CNTNAP2: variants seen among roughly 807,000 people sequenced by gnomAD.
CNTNAP2 encodes contactin-associated protein-like 2.
CNTNAP2 carries 98 observed loss-of-function variants against 155.2 expected under a neutral mutation model. That is an observed-to-expected ratio of 0.63 (90% CI 0.54 to 0.75). The LOEUF is 0.75. CNTNAP2 is among the 30% of genes least tolerant of loss of function. The pLI, the probability that CNTNAP2 is intolerant of heterozygous loss-of-function variation, is 0.00. For missense variants in CNTNAP2, 1,727 were observed against 1,688.1 expected (o/e 1.02, Z -0.40); for synonymous variants, 651 against 631.2 (o/e 1.03, Z -0.47).
chr7:146,702,729 CTCAATTCTGAATGATT>C lies in CNTNAP2; in HGVS notation c.98-71541_98-71526del, dbSNP rs1230061467. 5.1e-4 allele frequency among the ~76,000 whole-genome samples: 78 copies of C among 152,262 alleles called. 2 individuals carry two copies. In the East Asian group the frequency reaches 8.5e-3, roughly 17 times the overall value. On this transcript the variant is annotated intron_variant, in intron 1 of 23. Transcript: ENST00000361727. ...CTGGAAACTCATTTAGGTGGAATGT[CTCAATTCTGAATGATT>C]ATTAATAGTGGCATAATTTCTGTAT...
At position 147,124,766 on chromosome 7, in the gene CNTNAP2, G is replaced by A. The variant is rs547361836; in HGVS notation, c.939+3603G>A. 2.4e-4 allele frequency among the ~76,000 whole-genome samples: 36 copies of A among 151,794 alleles called. No individual in the cohort carries two copies. The South Asian group carries it at 5.8e-3, about 25-fold the overall frequency. ...TGGGATTCAGCACAGCACTGCTAGC[G>A]TAAATTAAATATACTTACCACAATT... On this transcript the variant is annotated intron_variant, in intron 6 of 23. Transcript: ENST00000361727.
intron 21 of CNTNAP2, among the ~76,000 whole-genome samples, chr7:148,290,794 T>C (rs1030330106): frequency 2.0e-5 from 3 of 152,214 alleles, no homozygotes; most frequent in African/African-American, 7.2e-5. Flanking sequence ...TCCCTGGTGC[T>C]ATTCTGGCTC....
intron 1 of CNTNAP2, among the ~76,000 whole-genome samples, chr7:146,693,425 G>T (rs1236979199): frequency 1.3e-5 from 2 of 151,674 alleles, no homozygotes; most frequent in Non-Finnish European, 2.9e-5. Context: ...CTCTCTATAT[G>T]TGTTTTGAGG....
chr7:146,587,183 G>C (rs1156502622), intron 1 of CNTNAP2, among the ~76,000 whole-genome samples: 1 of 152,084 alleles, frequency 6.6e-6, no homozygotes, highest in Non-Finnish European at 1.5e-5. Context: ...TGATGATATT[G>C]CCAGGCCGTT....
intron 4 of CNTNAP2, among the ~76,000 whole-genome samples, chr7:147,086,377 T>G (rs1800278779): frequency 6.6e-6 from 1 of 151,998 alleles, no homozygotes; most frequent in African/African-American, 2.4e-5. Flanking sequence ...TTTTGATACA[T>G]CCACAGAAAA....
intron 13 of CNTNAP2, among the ~76,000 whole-genome samples, chr7:147,800,771 C>A (rs982810290): frequency 6.6e-6 from 1 of 152,102 alleles, no homozygotes; most frequent in Non-Finnish European, 1.5e-5. Context: ...AATGATGGAC[C>A]AATAAATGGT....
At chr7:148,083,171 G>C (rs1371638110) in intron 15 of CNTNAP2, among the ~76,000 whole-genome samples, 1 of 152,188 alleles carries the variant, frequency 6.6e-6, no homozygotes, top group Non-Finnish European at 1.5e-5. Flanking sequence ...TTGCTTTGTT[G>C]TGTTGCTTTG....
chr7:148,327,300 G>A (rs947303515), intron 21 of CNTNAP2, among the ~76,000 whole-genome samples: 3 of 152,138 alleles, frequency 2.0e-5, no homozygotes, highest in African/African-American at 7.2e-5. Flanking sequence ...ATGTACCTTT[G>A]CCTGTTGATT....
chr7:148,112,219 G>GAAA, intron 15 of CNTNAP2, among the ~76,000 whole-genome samples: 1 of 151,240 alleles, frequency 6.6e-6, no homozygotes, highest in Middle Eastern at 3.4e-3. Context: ...ATAAGCAAAT[G>GAAA]AAAAAAATAA....
intron 13 of CNTNAP2, among the ~76,000 whole-genome samples, chr7:147,784,982 C>A (rs373964060): frequency 6.8e-4 from 104 of 152,184 alleles, no homozygotes; most frequent in African/African-American, 2.3e-3. Flanking sequence ...AGAGAAAACA[C>A]TGGATACAGA....
intron 15 of CNTNAP2, among the ~76,000 whole-genome samples, chr7:148,045,809 C>T (rs1177250098): frequency 1.3e-5 from 2 of 152,124 alleles, no homozygotes; most frequent in African/African-American, 4.8e-5. Flanking sequence ...TCAAACAACC[C>T]AACAGATAAA....
At chr7:146,418,277 C>T (rs112214711) in intron 1 of CNTNAP2, among the ~76,000 whole-genome samples, 1,876 of 152,294 alleles carry the variant, frequency 0.012, 16 homozygotes, top group Middle Eastern at 0.034. Context: ...CTGTTTCACT[C>T]GGCCACAAAT....
intron 8 of CNTNAP2, among the ~76,000 whole-genome samples, chr7:147,176,724 T>A (rs182483061): frequency 2.2e-4 from 20 of 90,180 alleles, no homozygotes; most frequent in South Asian, 4.4e-4. Flanking sequence ...AATTATATAT[T>A]ATATATAATA....
At chr7:147,944,006 G>T (rs1347044109) in intron 14 of CNTNAP2, among the ~76,000 whole-genome samples, 1 of 152,076 alleles carries the variant, frequency 6.6e-6, no homozygotes, top group Non-Finnish European at 1.5e-5. Context: ...AACACATTAT[G>T]AGTGGTTCAA....
intron 1 of CNTNAP2, among the ~76,000 whole-genome samples, chr7:146,191,129 C>A (rs1466366557): frequency 6.6e-6 from 1 of 152,096 alleles, no homozygotes; most frequent in African/African-American, 2.4e-5. Context: ...GGAACCACCC[C>A]TGATAATTCA....
chr7:146,720,958 A>G (rs577714630), intron 1 of CNTNAP2, among the ~76,000 whole-genome samples: 1 of 124,984 alleles, frequency 8.0e-6, no homozygotes, highest in Admixed American at 7.7e-5. Flanking sequence ...TATTCTATAT[A>G]TATACAGTAT....
chr7:146,959,675 A>G (rs1473391838), intron 3 of CNTNAP2, among the ~76,000 whole-genome samples: 4 of 149,560 alleles, frequency 2.7e-5, no homozygotes, highest in Non-Finnish European at 5.9e-5. Flanking sequence ...AGCTGAGATC[A>G]TACCACTGCA....
chr7:147,541,206 G>T (rs1461359065), intron 11 of CNTNAP2, among the ~76,000 whole-genome samples: 1 of 152,178 alleles, frequency 6.6e-6, no homozygotes, highest in Non-Finnish European at 1.5e-5. Context: ...TAAGCCATAT[G>T]ATATCTTTGA....
At chr7:146,775,299 A>T (rs1240244862) in intron 2 of CNTNAP2, among the ~76,000 whole-genome samples, 1 of 152,130 alleles carries the variant, frequency 6.6e-6, no homozygotes, top group Admixed American at 6.5e-5. Context: ...TGCTAAAGTA[A>T]CAGCTTTTAA....
Sources: gnomAD v4.1 joint callset for allele counts (sites outside exome capture counted in the v4.1 genomes callset) on GRCh38, gnomAD v4.1.1 for gene constraint, MANE v1.5 for transcripts, NCBI Gene and HGNC (gene_info 2026-07-23, HGNC 2026-07-21) for gene names.